RAD54B: variants seen among roughly 807,000 people sequenced by gnomAD.
The protein encoded by RAD54B is DNA repair and recombination protein RAD54B.
RAD54B carries 78 observed loss-of-function variants against 95.8 expected under a neutral mutation model. The ratio of observed to expected loss-of-function variants is 0.81; its 90% CI spans 0.68 to 0.98. RAD54B has a LOEUF of 0.98. RAD54B is among the 50% of genes least tolerant of loss of function. The probability of loss-of-function intolerance (pLI) is 0.00; values close to 1 mark genes in which losing one functional copy is unlikely to be tolerated. For synonymous variants in RAD54B, 328 were observed against 354.9 expected (o/e 0.92, Z 0.85); for missense variants, 957 against 1,056.6 (o/e 0.91, Z 1.31).
chr8:94,461,138 T>C (rs1362256780), intron 2 of RAD54B, among the ~76,000 whole-genome samples: 2 of 151,224 alleles, frequency 1.3e-5, no homozygotes, highest in Admixed American at 6.6e-5. Context: ...GGCAAAGTTG[T>C]CATGTTATTA....
At chr8:94,442,270 T>C (rs1349029038) in intron 3 of RAD54B, among the ~76,000 whole-genome samples, 1 of 152,102 alleles carries the variant, frequency 6.6e-6, no homozygotes, top group Non-Finnish European at 1.5e-5. Context: ...GGTTGGTTAA[T>C]GGGTACAAAA....
intron 11 of RAD54B, among the ~76,000 whole-genome samples, chr8:94,386,548 C>T (rs1810893340): frequency 6.6e-6 from 1 of 151,364 alleles, no homozygotes; most frequent in Non-Finnish European, 1.5e-5. Flanking sequence ...ATAGTCATCA[C>T]ACACACACAC....
At chr8:94,431,362 G>A in intron 3 of RAD54B, 1 of 984,674 alleles carries the variant, frequency 1.0e-6, no homozygotes, top group Non-Finnish European at 1.2e-6. Context: ...CAAAAATAGA[G>A]AGAGAATGGG....
intron 3 of RAD54B, among the ~76,000 whole-genome samples, chr8:94,412,347 T>C (rs962025115): frequency 6.8e-6 from 1 of 148,072 alleles, no homozygotes; most frequent in Non-Finnish European, 1.5e-5. Context: ...GGAATGCAGA[T>C]ATCTCTTCAA....
chr8:94,374,232 T>C (rs1421933407), intron 14 of RAD54B, among the ~76,000 whole-genome samples: 3 of 151,102 alleles, frequency 2.0e-5, no homozygotes, highest in Admixed American at 1.3e-4. Flanking sequence ...TGAGCCGAGA[T>C]AGCGCCACTG....
chr8:94,432,352 A>C, intron 3 of RAD54B: 1 of 1,550,406 alleles, frequency 6.4e-7, no homozygotes, highest in Non-Finnish European at 8.7e-7. Flanking sequence ...CCTAATAGTG[A>C]CCTAAAGTGT....
chr8:94,381,820 T>C (rs1466771545), intron 11 of RAD54B, among the ~76,000 whole-genome samples: 1 of 151,980 alleles, frequency 6.6e-6, no homozygotes, highest in Non-Finnish European at 1.5e-5. Context: ...CAAGAAATTG[T>C]TTTAAGAGAA....
intron 8 of RAD54B, among the ~76,000 whole-genome samples, chr8:94,394,889 C>T (rs1429891297): frequency 6.6e-6 from 1 of 152,134 alleles, no homozygotes; most frequent in Non-Finnish European, 1.5e-5. Flanking sequence ...CTCCCTAAAA[C>T]TTAATGGGTC....
At chr8:94,389,424 T>C (rs1425805829) in intron 10 of RAD54B, among the ~76,000 whole-genome samples, 1 of 152,236 alleles carries the variant, frequency 6.6e-6, no homozygotes, top group Non-Finnish European at 1.5e-5. Flanking sequence ...TCCCAGGATA[T>C]TATAATATGT....
intron 14 of RAD54B, among the ~76,000 whole-genome samples, chr8:94,374,674 G>A (rs896224692): frequency 2.6e-5 from 4 of 151,964 alleles, no homozygotes; most frequent in Admixed American, 1.3e-4. Context: ...GGGATAAGGC[G>A]ATCACTACAT....
chr8:94,378,665 A>T (rs1340240861), intron 12 of RAD54B, 31 bp from the exon 13 acceptor site: 9 of 1,456,816 alleles, frequency 6.2e-6, no homozygotes, highest in Non-Finnish European at 8.5e-6. Flanking sequence ...TTCTGAGAGT[A>T]CAGTAGAAAC....
intron 3 of RAD54B, among the ~76,000 whole-genome samples, chr8:94,442,576 GAAAA>G (rs531694623): frequency 2.2e-5 from 1 of 45,650 alleles, no homozygotes; most frequent in African/African-American, 8.2e-5. Context: ...CTCTGTCTCA[GAAAA>G]AAAAAAAAAA....
chr8:94,472,773 A>C (rs1326814926), intron 1 of RAD54B, among the ~76,000 whole-genome samples: 1 of 152,232 alleles, frequency 6.6e-6, no homozygotes, highest in East Asian at 1.9e-4. Context: ...CTCATTTATA[A>C]AATAAAGAAT....
chr8:94,390,937 A>T (rs138824414), intron 10 of RAD54B, among the ~76,000 whole-genome samples: 85 of 152,306 alleles, frequency 5.6e-4, no homozygotes, highest in South Asian at 1.4e-3. Context: ...CATGAAACAA[A>T]GTCTGTGCGC....
At chr8:94,457,864 T>C (rs1267334332) in intron 3 of RAD54B, among the ~76,000 whole-genome samples, 1 of 152,240 alleles carries the variant, frequency 6.6e-6, no homozygotes, top group Non-Finnish European at 1.5e-5. Flanking sequence ...TGTATCATAA[T>C]AATTCAACTC....
intron 1 of RAD54B, among the ~76,000 whole-genome samples, chr8:94,471,910 T>A (rs886189950): frequency 1.2e-4 from 18 of 151,870 alleles, no homozygotes; most frequent in African/African-American, 4.1e-4. Flanking sequence ...AAAATAAAAA[T>A]TTTTTAAATT....
At chr8:94,426,028 C>G (rs1174106731) in intron 3 of RAD54B, among the ~76,000 whole-genome samples, 2 of 152,156 alleles carry the variant, frequency 1.3e-5, no homozygotes, top group African/African-American at 2.4e-5. Flanking sequence ...TCAGGGCTCA[C>G]TGCAACCTCT....
intron 3 of RAD54B, among the ~76,000 whole-genome samples, chr8:94,421,774 A>C (rs1395893839): frequency 6.6e-6 from 1 of 152,058 alleles, no homozygotes; most frequent in Non-Finnish European, 1.5e-5. Flanking sequence ...ATCCTTCTCC[A>C]TTGCCTCCAC....
chr8:94,405,145 T>A (rs1311486903), intron 5 of RAD54B, among the ~76,000 whole-genome samples: 1 of 152,130 alleles, frequency 6.6e-6, no homozygotes, highest in African/African-American at 2.4e-5. Context: ...CATGAAGTCA[T>A]CATAGAATAA....
Sources: allele counts gnomAD v4.1 joint callset (sites outside exome capture counted in the v4.1 genomes callset), GRCh38; gene constraint gnomAD v4.1.1; transcripts MANE v1.5; gene names NCBI Gene and HGNC (gene_info 2026-07-23, HGNC 2026-07-21).